Variants in NLRP9 observed in about 807,000 individuals in gnomAD.
The protein encoded by NLRP9 is NACHT, LRR and PYD domains-containing protein 9.
NLRP9 carries 88 observed loss-of-function variants against 83.1 expected under a neutral mutation model. That is an observed-to-expected ratio of 1.06 (90% confidence interval 0.89 to 1.26). The LOEUF (loss-of-function observed/expected upper bound fraction) is 1.26. Among genes scored for constraint, NLRP9 ranks in the 50% most tolerant of loss-of-function variants. The pLI, the probability that NLRP9 is intolerant of heterozygous loss-of-function variation, is 0.00. For synonymous variants in NLRP9, 521 were observed against 447.6 expected (o/e 1.16, Z -2.07); for missense variants, 1,308 against 1,179.3 (o/e 1.11, Z -1.60).
chr19:55,716,553 C>T (rs948528342), intron 5 of NLRP9, among the ~76,000 whole-genome samples, 175 bp downstream of exon 5: 9 of 152,272 alleles, frequency 5.9e-5, no homozygotes, highest in African/African-American at 2.2e-4. Flanking sequence ...GCCACCACGC[C>T]CAGCCAGCTC....
intron 3 of NLRP9, among the ~76,000 whole-genome samples, chr19:55,725,887 G>A (rs11671412): frequency 5.9e-5 from 9 of 151,932 alleles, no homozygotes; most frequent in African/African-American, 2.2e-4. Flanking sequence ...TTAGCTGGGC[G>A]TGGTGGCGGG....
At chr19:55,713,211 G>A (rs1040423707) in intron 6 of NLRP9, among the ~76,000 whole-genome samples, 1 of 151,008 alleles carries the variant, frequency 6.6e-6, no homozygotes, top group Non-Finnish European at 1.5e-5. Context: ...GCCCTCCCCT[G>A]ACTATTTTGT....
At chr19:55,722,986 G>T (rs1988275892) in intron 4 of NLRP9, among the ~76,000 whole-genome samples, 1 of 152,224 alleles carries the variant, frequency 6.6e-6, no homozygotes, top group Non-Finnish European at 1.5e-5. Flanking sequence ...ACACACACTG[G>T]GGCCTGTCGG....
chr19:55,718,799 TTGTCTC>T (rs1469398196), intron 4 of NLRP9, among the ~76,000 whole-genome samples: 27 of 152,336 alleles, frequency 1.8e-4, no homozygotes, highest in Admixed American at 5.9e-4. Context: ...TCTCTATACT[TTGTCTC>T]TGTGTCTTGT....
intron 4 of NLRP9, among the ~76,000 whole-genome samples, chr19:55,719,749 G>C (rs1165339505): frequency 6.6e-6 from 1 of 152,178 alleles, no homozygotes; most frequent in Non-Finnish European, 1.5e-5. Flanking sequence ...TAGAGATCAT[G>C]GTAAAATGTT....
intron 5 of NLRP9, among the ~76,000 whole-genome samples, chr19:55,716,257 CTTTT>C (rs931275248): frequency 1.0e-4 from 12 of 117,818 alleles, no homozygotes; most frequent in East Asian, 2.4e-4. Flanking sequence ...TAAAAATTTT[CTTTT>C]TTTTTTTTTT....
At position 55,729,996 on chromosome 19, in the gene NLRP9, TGA is replaced by T; in HGVS notation, c.1833-6_1833-5del. On this transcript the variant is annotated splice_polypyrimidine_tract_variant and splice_region_variant and intron_variant, in intron 2 of 8. Transcript: ENST00000332836. ...GTAGACGAGCTTCTCATTGTAACTATGAGAGAACAAAGATTGTGATTCTCCAG... is the reference window on the plus strand; with the variant it reads ...GTAGACGAGCTTCTCATTGTAACTATGAGAACAAAGATTGTGATTCTCCAG... 6.2e-7 allele frequency: 1 copy of T among 1,610,106 alleles called. No homozygotes were observed. Among genetic ancestry groups the T allele is most frequent in the Non-Finnish European group, 8.5e-7 (1 of 1,178,234 alleles).
intron 3 of NLRP9, among the ~76,000 whole-genome samples, chr19:55,725,010 G>C (rs773650916): frequency 6.6e-6 from 1 of 152,050 alleles, no homozygotes; most frequent in African/African-American, 2.4e-5. Context: ...AGTGAGCCGA[G>C]ATGGTGCCAC....
Position 55,729,956 on chromosome 19 carries a change from G to A in NLRP9, c.1869C>T (p.Cys623=), listed in dbSNP as rs752692855. ...NEKLVYWREL[C]SMFITNKNFQ... ...AGTTCTTGTTGGTAATGAACATTGAGCAAAGCTCCCGCCAGTAGACGAGCT... is the reference window on the plus strand; with the variant it reads ...AGTTCTTGTTGGTAATGAACATTGAACAAAGCTCCCGCCAGTAGACGAGCT... Residue 623 remains cysteine, a synonymous_variant, in exon 3 of 9, where the codon TGC becomes TGT. Transcript: ENST00000332836. 1 of 1,612,344 alleles carries A rather than the reference G, an allele frequency of 6.2e-7. No individual in the cohort carries two copies. Among genetic ancestry groups the A allele is most frequent in the Non-Finnish European group, 8.5e-7 (1 of 1,179,154 alleles).
intron 4 of NLRP9, among the ~76,000 whole-genome samples, chr19:55,723,747 A>G (rs922404317): frequency 1.3e-5 from 2 of 150,936 alleles, no homozygotes; most frequent in African/African-American, 4.9e-5. Context: ...AAAAAAAAAA[A>G]AAGAAGTAAT....
At chr19:55,723,785 G>A (rs985369334) in intron 4 of NLRP9, among the ~76,000 whole-genome samples, 195 bp downstream of exon 4, 12 of 151,172 alleles carry the variant, frequency 7.9e-5, no homozygotes, top group Admixed American at 2.6e-4. Context: ...ATGGGAAGGC[G>A]GAAACAAACC....
At position 55,738,300 on chromosome 19, in the gene NLRP9, T is replaced by G. The variant is rs749627132; in HGVS notation, c.75A>C (p.Lys25Asn). ...LKELRKEEFW[K>N]FKELLKQPLE... ...AAGGTTGTTTGAGGAGCTCCTTAAA[T>G]TTCCAAAACTCTTCCTTTCTGAGCT... Residue 25 changes from lysine (K) to asparagine (N), a missense_variant, in exon 1 of 9, where the codon AAA (lysine) becomes AAC (asparagine). Transcript: ENST00000332836. 6.2e-7 allele frequency: 1 copy of G among 1,614,098 alleles called. No individual in the cohort carries two copies. Among genetic ancestry groups the G allele is most frequent in the South Asian group, 1.1e-5 (1 of 91,086 alleles).
In NLRP9 at chr19:55,729,853, C is replaced by T; in HGVS notation, c.1972G>A (p.Val658Ile). The change falls in exon 3 of 9, where the codon GTT becomes ATT. Residue 658 changes from valine (V) to isoleucine (I), a missense_variant. Physicochemically the swap from Val to Ile is conservative, Grantham distance 29. Coordinates refer to ENST00000332836, the MANE Select transcript of NLRP9 (RefSeq NM_176820.4). Reference protein sequence around the residue: ...AILCKALAQPVCKLRKLIFTS... With the variant: ...AILCKALAQPICKLRKLIFTS... ...TACATGAGTTTTCGGAGTTTACAAA[C>T]AGGCTGAGCCAGCGCTTTGCAAAGA... 1 of 1,612,086 alleles carries T rather than the reference C, an allele frequency of 6.2e-7. No individual in the cohort carries two copies. Among genetic ancestry groups the T allele is most frequent in the Non-Finnish European group, 8.5e-7 (1 of 1,179,296 alleles).
chr19:55,738,171 T>A lies in NLRP9; in HGVS notation c.204A>T (p.Ala68=). ...LLDKHYPGKQ[A]WEVTLNLFLQ... is the part of the protein sequence containing the mutation. ...GAAACAGGTTCAGTGTTACCTCCCA[T>A]GCCTGCTTTCCTGGGTAATGTTTGT... The change falls in exon 1 of 9, where the codon GCA becomes GCT. Residue 68 remains alanine (A), a synonymous_variant. Transcript: ENST00000332836. 1 of 1,614,026 alleles carries A rather than the reference T, an allele frequency of 6.2e-7. No individual in the cohort carries two copies. The highest frequency in any genetic ancestry group is 8.5e-7 in the Non-Finnish European group (1 of 1,179,902).
chr19:55,734,637 AT>A (rs201490500), intron 1 of NLRP9, among the ~76,000 whole-genome samples: 1,197 of 106,974 alleles, frequency 0.011, 14 homozygotes, highest in African/African-American at 0.029. Context: ...ATATATATAT[AT>A]TTTTTTTTTT....
intron 2 of NLRP9, among the ~76,000 whole-genome samples, chr19:55,731,379 A>T (rs868864236): frequency 6.6e-6 from 1 of 151,726 alleles, no homozygotes; most frequent in Admixed American, 6.6e-5. Context: ...AAAAAAGAAG[A>T]AAAGGAAAGA....
At chr19:55,730,257 C>T (rs145888795) in intron 2 of NLRP9, among the ~76,000 whole-genome samples, 9 of 152,168 alleles carry the variant, frequency 5.9e-5, no homozygotes, top group East Asian at 5.8e-4. Context: ...AGTTTGAGGA[C>T]GGCCTGGGCA....
chr19:55,729,805 A>G, intron 3 of NLRP9, 26 bp downstream of exon 3: 1 of 1,585,798 alleles, frequency 6.3e-7, no homozygotes, highest in Non-Finnish European at 8.6e-7. Flanking sequence ...CCATTTGCTT[A>G]AAGGACAGGT....
rs1378935373 is a variant in NLRP9, at chr19:55,729,919, C to T, written c.1906G>A (p.Asp636Asn). 3 of 1,613,702 alleles carry T rather than the reference C, an allele frequency of 1.9e-6. No homozygotes were observed. Among genetic ancestry groups the T allele is most frequent in the East Asian group, 2.2e-5 (1 of 44,884 alleles). Residue 636 changes from aspartate to asparagine, a missense_variant, in exon 3 of 9, where the codon GAC (aspartate) becomes AAC (asparagine). Asp to Asn is a conservative substitution (Grantham distance 23). Coordinates refer to ENST00000332836, the MANE Select transcript of NLRP9 (RefSeq NM_176820.4). The part of the protein sequence containing the change: ...FITNKNFQIL[D>N]MENTSLDDPS... ...TCATCGAGGCTGGTATTTTCCATGT[C>T]TAAAATCTGGAAGTTCTTGTTGGTA...
Sources: allele counts gnomAD v4.1 joint callset (sites outside exome capture counted in the v4.1 genomes callset), GRCh38; gene constraint gnomAD v4.1.1; transcripts MANE v1.5; gene names NCBI Gene and HGNC (gene_info 2026-07-23, HGNC 2026-07-21).